Variants in MTREX observed in about 807,000 individuals in gnomAD.
MTREX encodes exosome RNA helicase MTR4.
Under a neutral mutation model 135.4 loss-of-function variants are expected in MTREX, and 76 were observed. That is an observed-to-expected ratio of 0.56 (90% CI 0.47 to 0.68). The LOEUF (loss-of-function observed/expected upper bound fraction) is 0.68, where lower values mean the gene tolerates loss of function less well. Among genes scored for constraint, MTREX ranks in the 30% least tolerant of loss-of-function variants. MTREX has a pLI of 0.00. For synonymous variants in MTREX, 404 were observed against 401.6 expected (o/e 1.01, Z -0.07); for missense variants, 920 against 1,262.1 (o/e 0.73, Z 4.11).
intron 18 of MTREX, among the ~76,000 whole-genome samples, chr5:55,379,934 A>AT (rs1561203117): frequency 2.6e-5 from 4 of 151,550 alleles, no homozygotes; most frequent in Admixed American, 6.6e-5. Context: ...TTTTTTGTTT[A>AT]TTTTTTTTCT....
intron 7 of MTREX, 105 bp from the exon 8 acceptor site, chr5:55,343,226 T>C: frequency 1.0e-6 from 1 of 1,000,270 alleles, no homozygotes; most frequent in Non-Finnish European, 1.4e-6. Context: ...TTGAGTAAAG[T>C]CTGCATTTCT....
At chr5:55,370,821 A>AGAG (rs1246840200) in intron 16 of MTREX, among the ~76,000 whole-genome samples, 7 of 152,222 alleles carry the variant, frequency 4.6e-5, no homozygotes, top group Non-Finnish European at 8.8e-5. Flanking sequence ...AGATACTACT[A>AGAG]GAGCCTTTTC....
intron 16 of MTREX, among the ~76,000 whole-genome samples, chr5:55,377,913 T>C (rs1444586401): frequency 1.3e-5 from 2 of 152,122 alleles, no homozygotes; most frequent in Admixed American, 6.5e-5. Context: ...CTGACCTACC[T>C]TGTCTGATTT....
chr5:55,373,410 G>C (rs1378532432), intron 16 of MTREX, among the ~76,000 whole-genome samples: 1 of 151,894 alleles, frequency 6.6e-6, no homozygotes, highest in Non-Finnish European at 1.5e-5. Flanking sequence ...GACAGGATTT[G>C]GGGAACTTTT....
chr5:55,405,360 A>G lies in MTREX; in HGVS notation c.2482-65A>G. 4 of 1,366,912 alleles carry G rather than the reference A, an allele frequency of 2.9e-6. No homozygotes were observed. The South Asian group carries it at 5.2e-5, about 18-fold the overall frequency. 84.7% of individuals were successfully genotyped at this position (1,366,912 alleles called of 1,614,324 possible). ...AAAATATTTTTTGTTTGATTTCATG[A>G]ATAAATCTCCTTGTACATTGTTCAC... is the stretch of plus-strand genomic sequence containing the variant. On this transcript the variant is annotated intron_variant, in intron 21 of 26. Coordinates refer to ENST00000230640, the MANE Select transcript of MTREX (RefSeq NM_015360.5).
intron 1 of MTREX, among the ~76,000 whole-genome samples, chr5:55,321,598 C>G (rs1459358276): frequency 6.8e-6 from 1 of 147,156 alleles, no homozygotes; most frequent in East Asian, 2.0e-4. Flanking sequence ...GTGTACCAAA[C>G]ATCTATTTTT....
At position 55,403,455 on chromosome 5, in the gene MTREX, A is replaced by C. The variant is rs547270875; in HGVS notation, c.2482-1970A>C. Among the ~76,000 whole-genome samples, 11 of 152,358 alleles carry C rather than the reference A, an allele frequency of 7.2e-5. No individual in the cohort carries two copies. The East Asian group carries it at 2.1e-3, about 29-fold the overall frequency. On this transcript the variant is annotated intron_variant, in intron 21 of 26. Coordinates refer to ENST00000230640, the MANE Select transcript of MTREX (RefSeq NM_015360.5). ...AGAAAAAACCAGTGGCATTAACTTC[A>C]GTAATATTTTTATTTAACCCATTAT...
At chr5:55,423,171 A>G in intron 26 of MTREX, 189 bp downstream of exon 26, 4 of 574,436 alleles carry the variant, frequency 7.0e-6, no homozygotes, top group South Asian at 4.6e-5. Flanking sequence ...ATATACATGC[A>G]TTTACGTATA....
At chr5:55,308,215 CT>C (rs1749001804) in intron 1 of MTREX, 68 bp downstream of exon 1, 26 of 1,497,222 alleles carry the variant, frequency 1.7e-5, no homozygotes, top group Non-Finnish European at 2.3e-5. Context: ...ACACTACTCT[CT>C]TAGGAAGAGC....
At chr5:55,350,067 A>G (rs1034704129) in intron 12 of MTREX, among the ~76,000 whole-genome samples, 8 of 152,238 alleles carry the variant, frequency 5.3e-5, no homozygotes, top group African/African-American at 1.9e-4. Flanking sequence ...CTGTTGAAAC[A>G]GCCTGGGAAT....
intron 19 of MTREX, among the ~76,000 whole-genome samples, chr5:55,389,467 A>C (rs1750529381): frequency 6.6e-6 from 1 of 152,152 alleles, no homozygotes; most frequent in African/African-American, 2.4e-5. Context: ...TGTTTATTTC[A>C]GTCTACGCTG....
intron 7 of MTREX, among the ~76,000 whole-genome samples, chr5:55,342,517 C>T (rs916326917): frequency 6.6e-6 from 1 of 152,094 alleles, no homozygotes; most frequent in Admixed American, 6.6e-5. Context: ...CTTACAAATG[C>T]CCCTTACTTA....
intron 21 of MTREX, among the ~76,000 whole-genome samples, chr5:55,404,229 T>G (rs1750766461): frequency 6.6e-6 from 1 of 152,326 alleles, no homozygotes; most frequent in East Asian, 1.9e-4. Flanking sequence ...GTCGGTGTTT[T>G]TCTGAACCAC....
At chr5:55,341,548 C>T in intron 6 of MTREX, 133 bp from the exon 7 acceptor site, 16 of 521,142 alleles carry the variant, frequency 3.1e-5, no homozygotes, top group South Asian at 6.3e-5. Flanking sequence ...GTTCTGTAAC[C>T]CCTTAAAATT....
chr5:55,319,083 AT>A (rs2112027280), intron 1 of MTREX, among the ~76,000 whole-genome samples: 2 of 151,972 alleles, frequency 1.3e-5, no homozygotes, highest in South Asian at 4.2e-4. Context: ...TGGATACATA[AT>A]TTTTTCTGAA....
At chr5:55,383,471 T>G (rs1411495617) in intron 18 of MTREX, among the ~76,000 whole-genome samples, 1 of 152,190 alleles carries the variant, frequency 6.6e-6, no homozygotes, top group Non-Finnish European at 1.5e-5. Flanking sequence ...TTGTTTGTTT[T>G]TTTCTTTGAA....
At chr5:55,352,985 T>C (rs1007469373) in intron 13 of MTREX, among the ~76,000 whole-genome samples, 183 bp from the exon 14 acceptor site, 2 of 152,224 alleles carry the variant, frequency 1.3e-5, no homozygotes, top group Non-Finnish European at 2.9e-5. Flanking sequence ...ACGAGAGACA[T>C]TAAATGTTAA....
intron 1 of MTREX, among the ~76,000 whole-genome samples, chr5:55,319,625 A>G (rs1184580529): frequency 1.3e-5 from 2 of 152,230 alleles, no homozygotes; most frequent in African/African-American, 4.8e-5. Context: ...TGGTTTCAAT[A>G]AATTAAAACC....
rs28532724 is a variant in MTREX, at chr5:55,423,313, T to C, written c.3076+331T>C. 1,631 of 237,678 alleles carry C rather than the reference T, an allele frequency of 6.9e-3. 12 individuals are homozygous for C. Among genetic ancestry groups the C allele is most frequent in the Non-Finnish European group, 9.8e-3 (1,215 of 124,560 alleles). 14.7% of individuals were successfully genotyped at this position (237,678 alleles called of 1,614,324 possible). On this transcript the variant is annotated intron_variant, in intron 26 of 26. Coordinates refer to ENST00000230640, the MANE Select transcript of MTREX (RefSeq NM_015360.5). ...ATAGACAATAAGTCAACAATTAAAT[T>C]TATCAGATGGTGATAAGTCTGTAAG...
Sources: gnomAD v4.1 joint callset for allele counts (sites outside exome capture counted in the v4.1 genomes callset) on GRCh38, gnomAD v4.1.1 for gene constraint, MANE v1.5 for transcripts, NCBI Gene and HGNC (gene_info 2026-07-23, HGNC 2026-07-21) for gene names.